SLC12A1: variants seen among roughly 807,000 people sequenced by gnomAD.
The protein encoded by SLC12A1 is Na-K-2Cl cotransporter.
SLC12A1 carries 89 observed loss-of-function variants against 130.4 expected under a neutral mutation model. The ratio of observed to expected loss-of-function variants is 0.68; its 90% CI spans 0.58 to 0.81. The LOEUF (loss-of-function observed/expected upper bound fraction) is 0.81. Among genes scored for constraint, SLC12A1 ranks in the 40% least tolerant of loss-of-function variants. The pLI is 0.00. For missense variants in SLC12A1, 1,310 were observed against 1,336.4 expected, an observed-to-expected ratio of 0.98 and a Z score of 0.31; for synonymous variants, 499 against 460.0, an observed-to-expected ratio of 1.08 and a Z score of -1.09.
intron 23 of SLC12A1, among the ~76,000 whole-genome samples, chr15:48,291,069 GTAGA>G (rs2042114458): frequency 1.3e-5 from 2 of 151,844 alleles, no homozygotes; most frequent in East Asian, 3.9e-4. Context: ...GAGTAGATAG[GTAGA>G]TAGAGATAGA....
Position 48,259,508 on chromosome 15 carries a change from G to A in SLC12A1, c.2154+197G>A, listed in dbSNP as rs35984399. 0.017 allele frequency among the ~76,000 whole-genome samples: 2,518 copies of A among 152,232 alleles called. 69 individuals carry two copies. The highest frequency in any genetic ancestry group is 0.048 in the African/African-American group (1,981 of 41,534). ...GAATTTAAACAGGTAGATGTAAAGC[G>A]TTTCAGATTTCATAAGAGACCAACT... On this transcript the variant is annotated intron_variant, in intron 17 of 26. Coordinates refer to ENST00000380993, the MANE Select transcript of SLC12A1 (RefSeq NM_000338.3).
chr15:48,251,822 C>T (rs1248729841), intron 15 of SLC12A1, 52 bp downstream of exon 15: 1 of 1,527,964 alleles, frequency 6.5e-7, no homozygotes, highest in Non-Finnish European at 9.0e-7. Flanking sequence ...TCTAACTACT[C>T]ATTTATTAAG....
chr15:48,210,742 G>C (rs1356136196), intron 2 of SLC12A1, among the ~76,000 whole-genome samples: 3 of 150,744 alleles, frequency 2.0e-5, no homozygotes, highest in African/African-American at 7.3e-5. Flanking sequence ...GCACATGCTT[G>C]TAATCCTGGC....
intron 2 of SLC12A1, 107 bp downstream of exon 2, chr15:48,208,246 G>T: frequency 8.8e-7 from 1 of 1,133,402 alleles, no homozygotes; most frequent in South Asian, 1.7e-5. Context: ...AAATGGAGAG[G>T]TCTATTCCAA....
chr15:48,223,246 T>A (rs1194684471), intron 4 of SLC12A1: 2 of 152,174 alleles, frequency 1.3e-5, no homozygotes. Flanking sequence ...TGCATAAGAA[T>A]TATCTGGGAA....
intron 20 of SLC12A1, among the ~76,000 whole-genome samples, chr15:48,275,251 C>G (rs2041939554): frequency 6.6e-6 from 1 of 152,130 alleles, no homozygotes; most frequent in Non-Finnish European, 1.5e-5. Context: ...AAAATTAGCA[C>G]AAGACATGAA....
intron 11 of SLC12A1, 22 bp from the exon 12 acceptor site, chr15:48,246,887 T>G: frequency 6.5e-7 from 1 of 1,542,832 alleles, no homozygotes. Context: ...AAAGTCTCCT[T>G]ACTTGTACCT....
At chr15:48,228,400 C>T (rs1292043633) in intron 5 of SLC12A1, 2 of 153,990 alleles carry the variant, frequency 1.3e-5, no homozygotes, top group African/African-American at 4.8e-5. Context: ...AAGGGACCTA[C>T]TTGTCACACC....
At chr15:48,240,050 CATATAT>C (rs374160430) in intron 9 of SLC12A1, among the ~76,000 whole-genome samples, 1 of 6,410 alleles carries the variant, frequency 1.6e-4, no homozygotes, top group African/African-American at 3.7e-4. Context: ...TATATATATC[CATATAT>C]ATATATATAT....
chr15:48,294,157 T>C (rs911677772), intron 24 of SLC12A1, among the ~76,000 whole-genome samples: 1 of 152,002 alleles, frequency 6.6e-6, no homozygotes, highest in Admixed American at 6.5e-5. Context: ...GAGATCAGCC[T>C]GACCAACACG....
intron 9 of SLC12A1, 176 bp downstream of exon 9, chr15:48,235,180 A>G (rs2041426448): frequency 1.4e-6 from 1 of 710,474 alleles, no homozygotes; most frequent in Non-Finnish European, 2.5e-6. Flanking sequence ...TTGGATTTAT[A>G]TTCCAGATAA....
At chr15:48,247,074 T>C (rs2041591431) in intron 12 of SLC12A1, 58 bp downstream of exon 12, 2 of 1,354,762 alleles carry the variant, frequency 1.5e-6, no homozygotes, top group Non-Finnish European at 2.1e-6. Context: ...AGAATGTGAA[T>C]CAAGCTGAAA....
chr15:48,291,640 C>A lies in SLC12A1; in HGVS notation c.2874-138C>A, dbSNP rs2291341. 0.18 allele frequency: 118,861 copies of A among 645,380 alleles called. 13,672 individuals are homozygous for A. Among genetic ancestry groups the A allele is most frequent in the East Asian group, 0.42 (14,992 of 35,416 alleles). The allele number at this position is 645,380 out of a possible 1,614,324, so 40.0% of individuals were successfully genotyped here. On this transcript the variant is annotated intron_variant, in intron 23 of 26. Transcript: ENST00000380993. ...CAAGTACTGTAATGAAAATCAAACA[C>A]CAACCAAAAAGCCTCTGTCTGAAAG...
Position 48,288,657 on chromosome 15 carries a change from T to C in SLC12A1, c.2873+141T>C, listed in dbSNP as rs1297643006. 6.5e-5 allele frequency: 37 copies of C among 568,630 alleles called. No homozygotes were observed. In the East Asian group the frequency reaches 1.1e-3, roughly 16 times the overall value. 35.2% of individuals were successfully genotyped at this position (568,630 alleles called of 1,614,324 possible). ...AGGATAGGCCTCGTGTTTACTTGGT[T>C]ATCTGGTCAGTAAATTATTCGCATA... On this transcript the variant is annotated intron_variant, in intron 23 of 26. Coordinates refer to ENST00000380993, the MANE Select transcript of SLC12A1 (RefSeq NM_000338.3).
At chr15:48,279,536 C>T (rs545552145) in intron 20 of SLC12A1, among the ~76,000 whole-genome samples, 2 of 152,280 alleles carry the variant, frequency 1.3e-5, no homozygotes, top group South Asian at 4.1e-4. Flanking sequence ...ATGCTCATAA[C>T]ATTGTAACTT....
chr15:48,234,783 A>G lies in SLC12A1; in HGVS notation c.1088-94A>G, dbSNP rs945693506. The G allele has an allele frequency of 1.6e-5, 19 of 1,222,932 alleles. No individual in the cohort carries two copies. In the African/African-American group the frequency reaches 2.4e-4, roughly 16 times the overall value. 75.8% of individuals were successfully genotyped at this position (1,222,932 alleles called of 1,614,324 possible). On this transcript the variant is annotated intron_variant, in intron 8 of 26. Coordinates refer to ENST00000380993, the MANE Select transcript of SLC12A1 (RefSeq NM_000338.3). ...AAAAAAAATTAGAATATAGGAATGT[A>G]TTTTCATTTAGGACTAGGGAAGCCA...
At chr15:48,239,514 C>CT (rs1394817168) in intron 9 of SLC12A1, among the ~76,000 whole-genome samples, 58 of 46,788 alleles carry the variant, frequency 1.2e-3, no homozygotes, top group African/African-American at 6.0e-3. Flanking sequence ...GAACCCATCT[C>CT]AAAATAAATA....
Position 48,301,657 on chromosome 15 carries a change from T to C in SLC12A1, c.3164+275T>C, listed in dbSNP as rs11855410. On this transcript the variant is annotated intron_variant, in intron 26 of 26. Coordinates refer to ENST00000380993, the MANE Select transcript of SLC12A1 (RefSeq NM_000338.3). Reference sequence around the variant, plus strand: ...GGCGTGTGCCCATCTAGTAAGACCATGCTCCAGGAATCTGAGACCCTGGAT... The same window carrying C: ...GGCGTGTGCCCATCTAGTAAGACCACGCTCCAGGAATCTGAGACCCTGGAT... 0.24 allele frequency among the ~76,000 whole-genome samples: 35,914 copies of C among 151,600 alleles called. 4,810 individuals are homozygous for C. Among genetic ancestry groups the C allele is most frequent in the East Asian group, 0.41 (2,110 of 5,126 alleles).
At position 48,245,055 on chromosome 15, in the gene SLC12A1, A is replaced by G. The variant is rs564446586; in HGVS notation, c.1452+151A>G. ...CATGTGGAAATGAAAGGAGTCATAC[A>G]GTCATTACATGGCAGTAAATCCTAT... On this transcript the variant is annotated intron_variant, in intron 11 of 26. Transcript: ENST00000380993. Among the ~76,000 whole-genome samples the G allele has an allele frequency of 3.9e-5, 6 of 152,358 alleles. No individual in the cohort carries two copies. The East Asian group carries it at 1.2e-3, about 29-fold the overall frequency.
Sources: gnomAD v4.1 joint callset for allele counts (sites outside exome capture counted in the v4.1 genomes callset) on GRCh38, gnomAD v4.1.1 for gene constraint, MANE v1.5 for transcripts, NCBI Gene and HGNC (gene_info 2026-07-23, HGNC 2026-07-21) for gene names.